The following FAM227B variants were observed in gnomAD, a reference collection of about 807,000 sequenced individuals.
FAM227B encodes protein FAM227B.
A neutral mutation model predicts 73.8 loss-of-function variants in FAM227B; 88 were observed. That is an observed-to-expected ratio of 1.19 (90% CI 1.00 to 1.42). The LOEUF (loss-of-function observed/expected upper bound fraction) is 1.42, where lower values mean the gene tolerates loss of function less well. Among genes scored for constraint, FAM227B ranks in the 40% most tolerant of loss-of-function variants. FAM227B has a pLI of 0.00. For missense variants in FAM227B, 632 were observed against 590.9 expected (o/e 1.07, Z -0.72); for synonymous variants, 210 against 190.5 (o/e 1.10, Z -0.84).
At chr15:49,400,194 T>C (rs2048028561) in intron 11 of FAM227B, among the ~76,000 whole-genome samples, 2 of 27,076 alleles carry the variant, frequency 7.4e-5, no homozygotes, top group African/African-American at 2.9e-4. Context: ...CAAGCATTCT[T>C]ATACACCAAC....
At chr15:49,556,752 G>C (rs2073738951) in intron 9 of FAM227B, among the ~76,000 whole-genome samples, 1 of 152,168 alleles carries the variant, frequency 6.6e-6, no homozygotes, top group South Asian at 2.1e-4. Context: ...CCCCTAAAAT[G>C]AAAGTCTCCT....
chr15:49,405,055 CT>C (rs1270691864), intron 11 of FAM227B, among the ~76,000 whole-genome samples: 5 of 152,148 alleles, frequency 3.3e-5, no homozygotes. Flanking sequence ...AATTCACTTT[CT>C]TTAATAATGT....
At chr15:49,553,386 A>G (rs1377965649) in intron 9 of FAM227B, among the ~76,000 whole-genome samples, 1 of 152,214 alleles carries the variant, frequency 6.6e-6, no homozygotes, top group Non-Finnish European at 1.5e-5. Flanking sequence ...TGAAGCCAGA[A>G]CAATGCTGGG....
At chr15:49,503,576 C>G (rs539421844) in intron 11 of FAM227B, among the ~76,000 whole-genome samples, 1 of 151,960 alleles carries the variant, frequency 6.6e-6, no homozygotes, top group African/African-American at 2.4e-5. Context: ...AACAAATTTA[C>G]AAGAAAAAAA....
intron 5 of FAM227B, among the ~76,000 whole-genome samples, chr15:49,578,015 C>T (rs1374043127): frequency 1.3e-5 from 2 of 152,066 alleles, no homozygotes; most frequent in Non-Finnish European, 2.9e-5. Flanking sequence ...GGAATCAATG[C>T]CTTTTGGAAT....
At chr15:49,579,174 A>G (rs1253866391) in intron 5 of FAM227B, among the ~76,000 whole-genome samples, 1 of 152,208 alleles carries the variant, frequency 6.6e-6, no homozygotes, top group Non-Finnish European at 1.5e-5. Context: ...GGATGAAGAG[A>G]AAAGAGAATT....
rs1259541979 is a variant in FAM227B at position 49,327,029 on chromosome 15, A to C, written c.*1539T>G. ...GAGTGAATTTTATTAAGAAGAATTAATTGTAAGTACATGTTAACTTTCGTG... is the reference window on the plus strand; with the variant it reads ...GAGTGAATTTTATTAAGAAGAATTACTTGTAAGTACATGTTAACTTTCGTG... On this transcript the variant is annotated 3_prime_UTR_variant, in exon 16 of 16. Coordinates refer to ENST00000299338, the MANE Select transcript of FAM227B (RefSeq NM_152647.3). The C allele has an allele frequency of 6.6e-6, 1 of 152,150 alleles. No homozygotes were observed. The highest frequency in any genetic ancestry group is 1.5e-5 in the Non-Finnish European group (1 of 68,028). The allele number at this position is 152,150 out of a possible 1,614,324, so 9.4% of individuals were successfully genotyped here.
chr15:49,613,626 T>C (rs2078098899), intron 2 of FAM227B, among the ~76,000 whole-genome samples: 1 of 152,132 alleles, frequency 6.6e-6, no homozygotes, highest in African/African-American at 2.4e-5. Flanking sequence ...AAGAGTATAA[T>C]TGGAATGTCT....
chr15:49,372,624 C>T (rs575925447), intron 11 of FAM227B, among the ~76,000 whole-genome samples: 3 of 152,262 alleles, frequency 2.0e-5, no homozygotes, highest in South Asian at 4.1e-4. Flanking sequence ...ATTCGTGCCA[C>T]TTCTTAAAGG....
chr15:49,607,238 G>A (rs551607768), intron 3 of FAM227B, among the ~76,000 whole-genome samples: 1 of 152,052 alleles, frequency 6.6e-6, no homozygotes, highest in Non-Finnish European at 1.5e-5. Flanking sequence ...TTTCCAAAAA[G>A]GTCCCCCTGT....
intron 13 of FAM227B, chr15:49,365,192 A>G: frequency 1.2e-6 from 1 of 807,370 alleles, no homozygotes; most frequent in Non-Finnish European, 2.2e-6. Flanking sequence ...CAGATGGTCC[A>G]TCATCTGATA....
intron 11 of FAM227B, among the ~76,000 whole-genome samples, chr15:49,477,316 CCT>C (rs1314791617): frequency 6.6e-6 from 1 of 152,130 alleles, no homozygotes; most frequent in Non-Finnish European, 1.5e-5. Flanking sequence ...TTAAAAATCC[CCT>C]GTGATTCAGC....
chr15:49,365,239 T>A (rs565697783), intron 13 of FAM227B: 1 of 1,097,894 alleles, frequency 9.1e-7, no homozygotes, highest in Admixed American at 1.7e-5. Context: ...TTTCCTTACA[T>A]TTCCAGGCAA....
At chr15:49,515,019 C>T (rs1050098299) in intron 10 of FAM227B, among the ~76,000 whole-genome samples, 2 of 152,070 alleles carry the variant, frequency 1.3e-5, no homozygotes, top group Non-Finnish European at 2.9e-5. Flanking sequence ...CCACTCTTTT[C>T]CATTTAGGAA....
At chr15:49,596,443 A>G (rs2076888705) in intron 3 of FAM227B, among the ~76,000 whole-genome samples, 1 of 151,890 alleles carries the variant, frequency 6.6e-6, no homozygotes. Flanking sequence ...GCACTAAAAG[A>G]ACTGCTAAAA....
chr15:49,524,126 T>C (rs930181129), intron 10 of FAM227B, among the ~76,000 whole-genome samples: 2 of 152,200 alleles, frequency 1.3e-5, no homozygotes, highest in African/African-American at 2.4e-5. Context: ...AAGAGCTGAA[T>C]GTTAATCCCC....
intron 8 of FAM227B, among the ~76,000 whole-genome samples, chr15:49,570,114 T>G (rs1242936748): frequency 2.0e-5 from 3 of 152,032 alleles, no homozygotes; most frequent in Non-Finnish European, 2.9e-5. Context: ...GTTATGTATT[T>G]GACATATTGA....
intron 11 of FAM227B, among the ~76,000 whole-genome samples, chr15:49,409,462 G>A (rs565249648): frequency 1.7e-4 from 26 of 151,078 alleles, no homozygotes; most frequent in African/African-American, 6.1e-4. Flanking sequence ...GAGGATAAAG[G>A]AGTACTTGTA....
At chr15:49,414,594 A>G (rs922501909) in intron 11 of FAM227B, among the ~76,000 whole-genome samples, 1 of 152,176 alleles carries the variant, frequency 6.6e-6, no homozygotes, top group African/African-American at 2.4e-5. Flanking sequence ...TTGCAATTAT[A>G]TTTTAGAAAG....
Sources: allele counts gnomAD v4.1 joint callset (sites outside exome capture counted in the v4.1 genomes callset), GRCh38; gene constraint gnomAD v4.1.1; transcripts MANE v1.5; gene names NCBI Gene and HGNC (gene_info 2026-07-23, HGNC 2026-07-21).